MERTK: variants seen among roughly 807,000 people sequenced by gnomAD.
MERTK encodes MER proto-oncogene, tyrosine kinase.
A neutral mutation model predicts 99.3 loss-of-function variants in MERTK; 69 were observed. That is an observed-to-expected ratio of 0.70 (90% CI 0.57 to 0.85). The LOEUF (loss-of-function observed/expected upper bound fraction) is 0.85. Among genes scored for constraint, MERTK ranks in the 40% least tolerant of loss-of-function variants. The probability of loss-of-function intolerance (pLI) is 0.00; values close to 1 mark genes in which losing one functional copy is unlikely to be tolerated. For synonymous variants in MERTK, 426 were observed against 467.6 expected, an observed-to-expected ratio of 0.91 and a Z score of 1.15; for missense variants, 1,125 against 1,249.4, an observed-to-expected ratio of 0.90 and a Z score of 1.50.
intron 8 of MERTK, among the ~76,000 whole-genome samples, chr2:111,988,345 A>T (rs888819108): frequency 1.3e-5 from 2 of 152,122 alleles, no homozygotes; most frequent in Non-Finnish European, 2.9e-5. Flanking sequence ...AAACCCAGGG[A>T]TTGATCAAAT....
chr2:112,007,667 CTT>C (rs1405668825), intron 13 of MERTK, among the ~76,000 whole-genome samples: 1 of 151,818 alleles, frequency 6.6e-6, no homozygotes, highest in Non-Finnish European at 1.5e-5. Flanking sequence ...ATGTCTCTCT[CTT>C]AAGCCAGTTT....
chr2:111,910,844 G>A (rs1364381997), intron 1 of MERTK, among the ~76,000 whole-genome samples: 1 of 152,118 alleles, frequency 6.6e-6, no homozygotes, highest in Non-Finnish European at 1.5e-5. Flanking sequence ...GAAAGGATAG[G>A]AGGAAGGGGA....
chr2:111,968,475 C>G (rs1018920530), intron 6 of MERTK, among the ~76,000 whole-genome samples: 1 of 152,034 alleles, frequency 6.6e-6, no homozygotes, highest in Non-Finnish European at 1.5e-5. Flanking sequence ...CAGTCAGAAG[C>G]AAAACGTGTT....
chr2:111,986,913 C>A (rs907506732), intron 8 of MERTK, among the ~76,000 whole-genome samples: 1 of 152,094 alleles, frequency 6.6e-6, no homozygotes, highest in African/African-American at 2.4e-5. Context: ...AAACTAGGGA[C>A]AAATAAGAAC....
intron 1 of MERTK, among the ~76,000 whole-genome samples, chr2:111,923,112 C>T (rs1402392349): frequency 1.3e-5 from 2 of 152,180 alleles, no homozygotes; most frequent in South Asian, 2.1e-4. Context: ...GCACGTCACA[C>T]CCGTTTATTC....
At chr2:111,967,624 C>G (rs1331416514) in intron 5 of MERTK, among the ~76,000 whole-genome samples, 2 of 152,068 alleles carry the variant, frequency 1.3e-5, no homozygotes, top group Non-Finnish European at 2.9e-5. Flanking sequence ...AAAGCTCCCC[C>G]TACACATGCA....
At chr2:111,959,903 AAC>A (rs1685212917) in intron 4 of MERTK, among the ~76,000 whole-genome samples, 1 of 152,208 alleles carries the variant, frequency 6.6e-6, no homozygotes, top group East Asian at 1.9e-4. Flanking sequence ...AAACTTTTAA[AAC>A]ACAAAAATAC....
intron 8 of MERTK, among the ~76,000 whole-genome samples, chr2:111,989,859 C>T (rs1676574554): frequency 6.6e-6 from 1 of 152,176 alleles, no homozygotes; most frequent in Non-Finnish European, 1.5e-5. Flanking sequence ...CAATCAAGTG[C>T]CATATTATAA....
At position 112,023,637 on chromosome 2, in the gene MERTK, T is replaced by C. The variant is rs1161545379; in HGVS notation, c.2486+1243T>C. 3.9e-5 allele frequency among the ~76,000 whole-genome samples: 6 copies of C among 152,272 alleles called. No individual in the cohort carries two copies. In the East Asian group the frequency reaches 1.2e-3, roughly 29 times the overall value. ...TGGCCCTGTGAGTGGCTATGGCAAT[T>C]AATCTCCCCCAAGCACTTTGCTGAC... On this transcript the variant is annotated intron_variant, in intron 18 of 18. Coordinates refer to ENST00000295408, the MANE Select transcript of MERTK (RefSeq NM_006343.3).
At chr2:112,022,732 T>C (rs1317052102) in intron 18 of MERTK, among the ~76,000 whole-genome samples, 1 of 152,210 alleles carries the variant, frequency 6.6e-6, no homozygotes, top group African/African-American at 2.4e-5. Context: ...CGCCTTGTAG[T>C]GCATGAGGTC....
chr2:111,974,912 T>A (rs896020462), intron 6 of MERTK, among the ~76,000 whole-genome samples: 4 of 152,066 alleles, frequency 2.6e-5, no homozygotes, highest in Non-Finnish European at 4.4e-5. Flanking sequence ...CAGCACATAT[T>A]ATATCTGTTT....
rs370148255 is a variant in MERTK, at chr2:111,962,504, GA to G, written c.758-2678del. On this transcript the variant is annotated intron_variant, in intron 4 of 18. Transcript: ENST00000295408. ...ATGACAGAGTGAGTCTCGACCTCAA[GA>G]AAAAAAAATTTCAAATTTTAGGATT... Among the ~76,000 whole-genome samples, 714 of 151,390 alleles carry G rather than the reference GA, an allele frequency of 4.7e-3. 2 individuals carry two copies. Among genetic ancestry groups the G allele is most frequent in the Non-Finnish European group, 5.2e-3 (350 of 67,750 alleles).
In MERTK at chr2:111,975,510, G is replaced by T; in HGVS notation, c.1144+38G>T. The T allele has an allele frequency of 1.9e-6, 3 of 1,600,914 alleles. No homozygotes were observed. The South Asian group carries it at 3.3e-5, about 18-fold the overall frequency. ...GTTCAGAATGTATATTGCCCCCAAT[G>T]ACATGTGATTCAACAAACCCTTCCC... On this transcript the variant is annotated intron_variant, in intron 7 of 18. Transcript: ENST00000295408.
intron 2 of MERTK, chr2:111,940,871 A>G (rs1367485098): frequency 2.6e-6 from 2 of 758,506 alleles, no homozygotes; most frequent in Admixed American, 3.6e-5. Context: ...AACTCGGGCC[A>G]GTCACTGCTG....
In MERTK at chr2:112,028,396, C is replaced by T. The variant is rs1489882875; in HGVS notation, c.2532C>T (p.Arg844=). The T allele has an allele frequency of 2.5e-6, 4 of 1,614,148 alleles. No individual in the cohort carries two copies. The highest frequency in any genetic ancestry group is 3.4e-6 in the Non-Finnish European group (4 of 1,180,024). The part of the protein sequence containing the change: ...YSCWRTDPLD[R]PTFSVLRLQL... The stretch of plus-strand genomic sequence containing the variant: ...GCTGGAGAACCGATCCCTTAGACCG[C>T]CCCACCTTTTCAGTATTGAGGCTGC... The change falls in exon 19 of 19, where the codon CGC becomes CGT. Residue 844 remains arginine, a synonymous_variant. Coordinates refer to ENST00000295408, the MANE Select transcript of MERTK (RefSeq NM_006343.3).
At chr2:111,975,521 C>T (rs201215674) in intron 7 of MERTK, 49 bp downstream of exon 7, 1 of 1,583,530 alleles carries the variant, frequency 6.3e-7, no homozygotes, top group East Asian at 2.2e-5. Flanking sequence ...ACATGTGATT[C>T]AACAAACCCT....
At chr2:112,002,978 ATAAAT>A in intron 11 of MERTK, 109 bp from the exon 12 acceptor site, 1 of 625,242 alleles carries the variant, frequency 1.6e-6, no homozygotes, top group South Asian at 1.6e-5. Context: ...GGCTCAATAA[ATAAAT>A]AAATAAATAA....
intron 15 of MERTK, among the ~76,000 whole-genome samples, chr2:112,014,652 T>G (rs1476108999): frequency 1.3e-5 from 2 of 152,064 alleles, no homozygotes; most frequent in Admixed American, 1.3e-4. Context: ...TTTTTTCTTT[T>G]TGAGACAGAG....
At chr2:111,987,927 A>G (rs535031918) in intron 8 of MERTK, among the ~76,000 whole-genome samples, 1 of 151,276 alleles carries the variant, frequency 6.6e-6, no homozygotes, top group East Asian at 1.9e-4. Flanking sequence ...AAAGGTATAG[A>G]TCTTGGAAGT....
Sources: allele counts gnomAD v4.1 joint callset (sites outside exome capture counted in the v4.1 genomes callset), GRCh38; gene constraint gnomAD v4.1.1; transcripts MANE v1.5; gene names NCBI Gene and HGNC (gene_info 2026-07-23, HGNC 2026-07-21).